FAM168B: variants seen among roughly 807,000 people sequenced by gnomAD.
FAM168B encodes the protein family with sequence similarity 168 member B.
Under a neutral mutation model 21.8 loss-of-function variants are expected in FAM168B, and 19 were observed. The ratio of observed to expected loss-of-function variants is 0.87; its 90% CI spans 0.61 to 1.28. The LOEUF (loss-of-function observed/expected upper bound fraction) is 1.28, where lower values mean the gene tolerates loss of function less well. FAM168B is among the 50% of genes most tolerant of loss of function. The pLI, the probability that FAM168B is intolerant of heterozygous loss-of-function variation, is 0.00. For missense variants in FAM168B, 233 were observed against 263.1 expected (o/e 0.89, Z 0.79); for synonymous variants, 126 against 104.8 (o/e 1.20, Z -1.24).
chr2:131,054,449 T>C (rs1327142857), intron 5 of FAM168B, among the ~76,000 whole-genome samples: 1 of 152,236 alleles, frequency 6.6e-6, no homozygotes, highest in Non-Finnish European at 1.5e-5. Flanking sequence ...CCCAGTTTCC[T>C]GTTCCTTGAC....
In FAM168B at chr2:131,049,182, TCCC is replaced by T; in HGVS notation, c.*3280_*3282del. 1.0e-6 allele frequency: 1 copy of T among 985,310 alleles called. No individual in the cohort carries two copies. Among genetic ancestry groups the T allele is most frequent in the Non-Finnish European group, 1.2e-6 (1 of 829,928 alleles). 61.0% of individuals were successfully genotyped at this position (985,310 alleles called of 1,614,324 possible). ...TGTATTTCCTCTCGTTACTGTTGTG[TCCC>T]CCAAGACACATGCAAATTATTTCCT... On this transcript the variant is annotated 3_prime_UTR_variant, in exon 7 of 7. Coordinates refer to ENST00000389915, the MANE Select transcript of FAM168B (RefSeq NM_001009993.4).
At chr2:131,087,263 G>A (rs1693757380) in intron 1 of FAM168B, among the ~76,000 whole-genome samples, 1 of 152,002 alleles carries the variant, frequency 6.6e-6, no homozygotes, top group South Asian at 2.1e-4. Context: ...GAGGTCAGGA[G>A]TTGGAGACCA....
chr2:131,048,128 A>G lies in FAM168B; in HGVS notation c.*4337T>C, dbSNP rs751591279. ...GGAAGACAATGCTGACTTAGCTTAA[A>G]AAAAGTACCGAGAGAACGGTGTAAA... On this transcript the variant is annotated 3_prime_UTR_variant, in exon 7 of 7. Transcript: ENST00000389915. 26 of 1,192,012 alleles carry G rather than the reference A, an allele frequency of 2.2e-5. No individual in the cohort carries two copies. Among genetic ancestry groups the G allele is most frequent in the Non-Finnish European group, 2.8e-5 (26 of 925,226 alleles). 73.8% of individuals were successfully genotyped at this position (1,192,012 alleles called of 1,614,324 possible).
chr2:131,052,361 C>G lies in FAM168B; in HGVS notation c.*104G>C, dbSNP rs1189133049. The stretch of plus-strand genomic sequence containing the variant: ...GTCGTGTTTAGCTAAGTGTCGAGAG[C>G]ATTAAGAAGAAAGTCCTGGTTGGAG... On this transcript the variant is annotated 3_prime_UTR_variant, in exon 7 of 7. Coordinates refer to ENST00000389915, the MANE Select transcript of FAM168B (RefSeq NM_001009993.4). 1.0e-6 allele frequency: 1 copy of G among 986,334 alleles called. No individual in the cohort carries two copies. Among genetic ancestry groups the G allele is most frequent in the Non-Finnish European group, 1.2e-6 (1 of 830,326 alleles). The allele number at this position is 986,334 out of a possible 1,614,324, so 61.1% of individuals were successfully genotyped here. A position where few individuals can be genotyped will look rare whatever the true frequency, so the allele number is the denominator to read the frequency against.
chr2:131,058,511 C>T (rs1692137108), intron 3 of FAM168B, among the ~76,000 whole-genome samples: 1 of 152,218 alleles, frequency 6.6e-6, no homozygotes. Context: ...AAGCAACTCC[C>T]AACCTCAGCT....
At chr2:131,088,793 T>C (rs1229604281) in intron 1 of FAM168B, among the ~76,000 whole-genome samples, 1 of 152,188 alleles carries the variant, frequency 6.6e-6, no homozygotes, top group Non-Finnish European at 1.5e-5. Context: ...GGTTATGCAC[T>C]GTACTGCCGC....
intron 2 of FAM168B, among the ~76,000 whole-genome samples, chr2:131,073,574 TTCTC>T (rs1199689152): frequency 3.3e-5 from 5 of 152,292 alleles, no homozygotes; most frequent in Admixed American, 6.5e-5. Flanking sequence ...TCAGCCCCCT[TTCTC>T]TCTGACGCAC....
intron 1 of FAM168B, among the ~76,000 whole-genome samples, chr2:131,088,226 A>G (rs564146680): frequency 3.8e-4 from 57 of 149,904 alleles, no homozygotes; most frequent in African/African-American, 1.4e-3. Context: ...AGATGGGGCA[A>G]CAGAGCAAGA....
chr2:131,048,469 T>G lies in FAM168B; in HGVS notation c.*3996A>C. ...TCTCCCCTTCCCAAGTGACTTCACT[T>G]CAGTCCTGTGGACCAAGATAAGGCT... On this transcript the variant is annotated 3_prime_UTR_variant, in exon 7 of 7. Transcript: ENST00000389915. 1 of 1,177,152 alleles carries G rather than the reference T, an allele frequency of 8.5e-7. No individual in the cohort carries two copies. The allele number at this position is 1,177,152 out of a possible 1,614,324, so 72.9% of individuals were successfully genotyped here.
At chr2:131,066,262 G>A (rs1218020867) in intron 3 of FAM168B, among the ~76,000 whole-genome samples, 2 of 149,736 alleles carry the variant, frequency 1.3e-5, no homozygotes, top group Admixed American at 1.3e-4. Flanking sequence ...TGCAAGCTCC[G>A]CCTCCCAGGT....
At position 131,052,973 on chromosome 2, in the gene FAM168B, TG is replaced by T; in HGVS notation, c.517del (p.His173ThrfsTer63). The T allele has an allele frequency of 1.3e-6, 2 of 1,559,618 alleles. No homozygotes were observed. Among genetic ancestry groups the T allele is most frequent in the Middle Eastern group, 1.7e-4 (1 of 5,978 alleles). ...CCGGTACGTGGGCACAGTGACCGGG[TG>T]GGGGGCGACAGGAGTTGGGGAGTGA... ...TAHSPTPVAPHPVTVPTYRAP... is the reference protein window; with the variant it reads ...TAHSPTPVAPXPVTVPTYRAP... On this transcript the variant is annotated frameshift_variant, in exon 6 of 7. Transcript: ENST00000389915. LOFTEE classifies it high-confidence loss of function.
intron 1 of FAM168B, among the ~76,000 whole-genome samples, chr2:131,092,976 G>A (rs1267976402): frequency 3.3e-5 from 5 of 151,834 alleles, no homozygotes; most frequent in African/African-American, 1.2e-4. Context: ...AGCCACCTCG[G>A]CCACCTAGGC....
Position 131,055,745 on chromosome 2 carries a change from C to T in FAM168B, c.155-50G>A, listed in dbSNP as rs202160380. On this transcript the variant is annotated intron_variant, in intron 3 of 6. Coordinates refer to ENST00000389915, the MANE Select transcript of FAM168B (RefSeq NM_001009993.4). ...GAGTTCACCCAAGCCGGTCCAGGCG[C>T]AGGGAGAGGACACAGGCAGGGAGGA... The T allele has an allele frequency of 1.9e-6, 3 of 1,593,424 alleles. No individual in the cohort carries two copies. The Admixed American group carries it at 5.3e-5, about 28-fold the overall frequency.
intron 1 of FAM168B, among the ~76,000 whole-genome samples, chr2:131,088,106 C>T (rs1373019785): frequency 3.9e-5 from 6 of 151,900 alleles, no homozygotes; most frequent in Non-Finnish European, 5.9e-5. Context: ...ATTAGCTGGG[C>T]GTGGTGGCAC....
At chr2:131,083,156 C>T (rs1693504663) in intron 1 of FAM168B, among the ~76,000 whole-genome samples, 1 of 152,088 alleles carries the variant, frequency 6.6e-6, no homozygotes, top group South Asian at 2.1e-4. Flanking sequence ...GAGACCAAGA[C>T]CATCCTGGCC....
chr2:131,076,122 C>T (rs1188279431), intron 2 of FAM168B, among the ~76,000 whole-genome samples: 4 of 152,172 alleles, frequency 2.6e-5, no homozygotes, highest in Non-Finnish European at 4.4e-5. Context: ...TAGCTGGTCT[C>T]GGGTGCACCA....
chr2:131,054,171 T>G (rs1691867820), intron 5 of FAM168B, among the ~76,000 whole-genome samples: 1 of 150,814 alleles, frequency 6.6e-6, no homozygotes, highest in South Asian at 2.1e-4. Context: ...ATCACACCAC[T>G]GCACTCCATC....
rs1279357551 is a variant in FAM168B, at chr2:131,053,112, G to A, written c.476-97C>T. 4 of 1,420,494 alleles carry A rather than the reference G, an allele frequency of 2.8e-6. No individual in the cohort carries two copies. The African/African-American group carries it at 4.5e-5, about 16-fold the overall frequency. The allele number at this position is 1,420,494 out of a possible 1,614,324, so 88.0% of individuals were successfully genotyped here. On this transcript the variant is annotated intron_variant, in intron 5 of 6. Coordinates refer to ENST00000389915, the MANE Select transcript of FAM168B (RefSeq NM_001009993.4). ...AGCCTGGCCTCTTTGCAAGGAGGAG[G>A]GTATACAGGAAGAGGGATAGTCTTG...
chr2:131,071,788 C>A, intron 3 of FAM168B, 67 bp downstream of exon 3: 1 of 1,426,004 alleles, frequency 7.0e-7, no homozygotes, highest in Non-Finnish European at 9.9e-7. Context: ...CCACCCCTCT[C>A]AAAATCCACC....
Sources: gnomAD v4.1 joint callset for allele counts (sites outside exome capture counted in the v4.1 genomes callset) on GRCh38, gnomAD v4.1.1 for gene constraint, MANE v1.5 for transcripts, NCBI Gene and HGNC (gene_info 2026-07-23, HGNC 2026-07-21) for gene names.